The following EXOC4 variants were observed in gnomAD, a reference collection of about 807,000 sequenced individuals.
EXOC4 encodes exocyst complex component 4, also known as SEC8-like 1.
Under a neutral mutation model 107.2 loss-of-function variants are expected in EXOC4, and 71 were observed. The observed-to-expected ratio is 0.66, with a 90% confidence interval of 0.55 to 0.81. The LOEUF (loss-of-function observed/expected upper bound fraction) is 0.81, where lower values mean the gene tolerates loss of function less well. Among genes scored for constraint, EXOC4 ranks in the 30% least tolerant of loss-of-function variants. The pLI is 0.00. For synonymous variants in EXOC4, 456 were observed against 441.2 expected (o/e 1.03, Z -0.42); for missense variants, 1,108 against 1,189.6 (o/e 0.93, Z 1.01).
the EXOC4 span, among the ~76,000 whole-genome samples, chr7:134,080,556 G>T: frequency 6.6e-6 from 1 of 152,082 alleles, no homozygotes; most frequent in Non-Finnish European, 1.5e-5. Flanking sequence ...ATGGCAGGAA[G>T]ACTAGTCAGT....
chr7:133,736,516 A>C (rs766229415), intron 10 of EXOC4, among the ~76,000 whole-genome samples: 1 of 152,222 alleles, frequency 6.6e-6, no homozygotes, highest in Admixed American at 6.5e-5. Flanking sequence ...ACTCATCAGT[A>C]TAATACCTCC....
At chr7:133,950,922 C>T (rs550780293) in intron 14 of EXOC4, among the ~76,000 whole-genome samples, 5 of 152,320 alleles carry the variant, frequency 3.3e-5, no homozygotes, top group African/African-American at 4.8e-5. Context: ...GTCCAATTAA[C>T]GCATTTGTTC....
intron 11 of EXOC4, among the ~76,000 whole-genome samples, chr7:133,858,792 A>G (rs1325832952): frequency 1.1e-4 from 17 of 152,136 alleles, no homozygotes. Context: ...TATAGAATTA[A>G]ATTATTTTCA....
intron 1 of EXOC4, among the ~76,000 whole-genome samples, chr7:133,254,731 C>T (rs73165665): frequency 0.079 from 11,965 of 152,140 alleles, 529 homozygotes; most frequent in Middle Eastern, 0.16. Context: ...TAAAACATGT[C>T]AGTAAAAATG....
intron 11 of EXOC4, among the ~76,000 whole-genome samples, chr7:133,839,093 A>C (rs1462909899): frequency 6.6e-6 from 1 of 152,238 alleles, no homozygotes; most frequent in African/African-American, 2.4e-5. Flanking sequence ...AAGTCAATTA[A>C]CAAGATACCT....
At chr7:133,734,037 G>T (rs955178662) in intron 10 of EXOC4, among the ~76,000 whole-genome samples, 3 of 152,194 alleles carry the variant, frequency 2.0e-5, no homozygotes, top group Admixed American at 1.3e-4. Context: ...TTGACATTCT[G>T]TCACTGCTCA....
intron 6 of EXOC4, among the ~76,000 whole-genome samples, chr7:133,359,599 A>G (rs1254403174): frequency 6.6e-6 from 1 of 152,168 alleles, no homozygotes; most frequent in South Asian, 2.1e-4. Flanking sequence ...GTTCCAAAAC[A>G]TTAGTTATTC....
intron 10 of EXOC4, among the ~76,000 whole-genome samples, chr7:133,707,179 G>A (rs1186964384): frequency 6.6e-6 from 1 of 151,992 alleles, no homozygotes; most frequent in Admixed American, 6.6e-5. Context: ...CTGTATTGAA[G>A]CATTTACTGG....
chr7:133,633,233 C>T (rs763316602), intron 10 of EXOC4, among the ~76,000 whole-genome samples: 10 of 152,134 alleles, frequency 6.6e-5, no homozygotes, highest in Non-Finnish European at 1.3e-4. Context: ...TTGGTTCAGC[C>T]TCTCTCAAAA....
At chr7:134,014,609 A>C (rs1213505332) in intron 17 of EXOC4, among the ~76,000 whole-genome samples, 1 of 152,100 alleles carries the variant, frequency 6.6e-6, no homozygotes, top group East Asian at 1.9e-4. Context: ...ATTTATAGAG[A>C]TAGATTAGTA....
At chr7:133,982,658 C>A (rs143239119) in intron 14 of EXOC4, among the ~76,000 whole-genome samples, 1 of 152,308 alleles carries the variant, frequency 6.6e-6, no homozygotes, top group Non-Finnish European at 1.5e-5. Flanking sequence ...GTGTCAAACG[C>A]TGTTCTAAGC....
At chr7:133,435,746 G>C (rs888166882) in intron 7 of EXOC4, among the ~76,000 whole-genome samples, 30 of 151,990 alleles carry the variant, frequency 2.0e-4, no homozygotes, top group Admixed American at 1.8e-3. Flanking sequence ...TTAAGTTTTA[G>C]CTATTCCATG....
At chr7:133,943,119 G>A (rs1435340868) in intron 14 of EXOC4, among the ~76,000 whole-genome samples, 1 of 152,194 alleles carries the variant, frequency 6.6e-6, no homozygotes, top group Non-Finnish European at 1.5e-5. Flanking sequence ...ATATTGGACA[G>A]TATAGGTATA....
chr7:133,714,359 G>A (rs188362081), intron 10 of EXOC4, among the ~76,000 whole-genome samples: 151 of 152,196 alleles, frequency 9.9e-4, no homozygotes, highest in African/African-American at 3.5e-3. Context: ...TGTATGTTCA[G>A]GAATTTTAGG....
chr7:133,540,669 C>G (rs992094105), intron 9 of EXOC4, among the ~76,000 whole-genome samples: 2 of 152,094 alleles, frequency 1.3e-5, no homozygotes, highest in Admixed American at 6.6e-5. Flanking sequence ...TATTCAATAG[C>G]TTTGGGTCTC....
chr7:133,838,982 C>A (rs1797971458), intron 11 of EXOC4, among the ~76,000 whole-genome samples: 1 of 152,102 alleles, frequency 6.6e-6, no homozygotes, highest in Non-Finnish European at 1.5e-5. Flanking sequence ...AGGTTGTCAT[C>A]CATATGTCTA....
chr7:133,724,442 C>T (rs961685874), intron 10 of EXOC4, among the ~76,000 whole-genome samples: 4 of 152,154 alleles, frequency 2.6e-5, no homozygotes, highest in Non-Finnish European at 5.9e-5. Context: ...TTACTCAGCA[C>T]TCATTCAACA....
chr7:134,089,669 T>C, the EXOC4 span, among the ~76,000 whole-genome samples: 1 of 151,214 alleles, frequency 6.6e-6, no homozygotes, highest in South Asian at 2.1e-4. Context: ...GGGAATTGCG[T>C]GACCTACACA....
intron 7 of EXOC4, among the ~76,000 whole-genome samples, chr7:133,377,518 C>G (rs1160173854): frequency 6.6e-6 from 1 of 152,026 alleles, no homozygotes; most frequent in African/African-American, 2.4e-5. Flanking sequence ...ATGAACAAAG[C>G]TATAATATCT....
Sources: allele counts gnomAD v4.1 joint callset (sites outside exome capture counted in the v4.1 genomes callset), GRCh38; gene constraint gnomAD v4.1.1; transcripts MANE v1.5; gene names NCBI Gene and HGNC (gene_info 2026-07-23, HGNC 2026-07-21).